The following SMYD3 variants were observed in gnomAD, a reference collection of about 807,000 sequenced individuals.
SMYD3 encodes histone-lysine N-methyltransferase SMYD3.
SMYD3 carries 36 observed loss-of-function variants against 57.7 expected under a neutral mutation model. The ratio of observed to expected loss-of-function variants is 0.62; its 90% CI spans 0.48 to 0.82. The LOEUF (loss-of-function observed/expected upper bound fraction) is 0.82. Among genes scored for constraint, SMYD3 ranks in the 40% least tolerant of loss-of-function variants. The pLI, the probability that SMYD3 is intolerant of heterozygous loss-of-function variation, is 0.00. For synonymous variants in SMYD3, 211 were observed against 195.0 expected (o/e 1.08, Z -0.68); for missense variants, 515 against 538.8 (o/e 0.96, Z 0.44).
chr1:246,474,340 A>C (rs537522232), intron 1 of SMYD3, among the ~76,000 whole-genome samples: 1 of 152,226 alleles, frequency 6.6e-6, no homozygotes, highest in Non-Finnish European at 1.5e-5. Context: ...TAACACGGTG[A>C]AATCCTGTCT....
chr1:246,160,768 A>G (rs11587887), intron 5 of SMYD3, among the ~76,000 whole-genome samples: 44,162 of 152,102 alleles, frequency 0.29, 8,523 homozygotes, highest in Non-Finnish European at 0.43. Flanking sequence ...GGGGGACAGC[A>G]GTGAGTGAGG....
intron 1 of SMYD3, among the ~76,000 whole-genome samples, chr1:246,363,587 T>A (rs1212186856): frequency 6.6e-6 from 1 of 152,236 alleles, no homozygotes; most frequent in Non-Finnish European, 1.5e-5. Context: ...GAAAAACTCT[T>A]CTGCCTTGGG....
chr1:245,897,314 T>C (rs2053884268), intron 8 of SMYD3, among the ~76,000 whole-genome samples: 1 of 152,192 alleles, frequency 6.6e-6, no homozygotes, highest in Non-Finnish European at 1.5e-5. Context: ...GAGGAGTAGG[T>C]CGTGGGCAGG....
At chr1:246,075,633 A>C (rs977214395) in intron 5 of SMYD3, among the ~76,000 whole-genome samples, 14 of 152,236 alleles carry the variant, frequency 9.2e-5, no homozygotes, top group African/African-American at 3.4e-4. Context: ...CTGCAGGACA[A>C]TGAGACTAGA....
Position 245,866,339 on chromosome 1 carries a change from T to C in SMYD3, c.814-2453A>G, listed in dbSNP as rs187057091. On this transcript the variant is annotated intron_variant, in intron 8 of 11. Coordinates refer to ENST00000490107, the MANE Select transcript of SMYD3 (RefSeq NM_001167740.2). ...TGTCTGTGTGATATAGTAGAGTGGA[T>C]TTTAAAAAGACACCATAGGTGCACT... 1.4e-3 allele frequency among the ~76,000 whole-genome samples: 204 copies of C among 150,692 alleles called. 4 individuals carry two copies. The East Asian group carries it at 0.038, about 28-fold the overall frequency.
chr1:246,101,660 A>C (rs143264943), intron 5 of SMYD3, among the ~76,000 whole-genome samples: 15 of 152,368 alleles, frequency 9.8e-5, no homozygotes, highest in African/African-American at 2.9e-4. Flanking sequence ...ATATGCGGTT[A>C]GGTTCTTGTT....
At chr1:246,207,036 G>A (rs1438606697) in intron 5 of SMYD3, among the ~76,000 whole-genome samples, 2 of 152,018 alleles carry the variant, frequency 1.3e-5, no homozygotes, top group African/African-American at 4.8e-5. Context: ...GCATTACCAG[G>A]GAACACAATT....
At chr1:245,798,501 CA>C (rs2047696393) in intron 10 of SMYD3, among the ~76,000 whole-genome samples, 1 of 138,180 alleles carries the variant, frequency 7.2e-6, no homozygotes, top group East Asian at 2.3e-4. Context: ...CACACACACA[CA>C]CACCTTGAGC....
intron 10 of SMYD3, among the ~76,000 whole-genome samples, chr1:245,785,990 C>G (rs539072911): frequency 4.0e-5 from 6 of 151,732 alleles, no homozygotes; most frequent in Non-Finnish European, 8.8e-5. Context: ...CAGGTGTGAG[C>G]CATGGTGCCC....
intron 5 of SMYD3, among the ~76,000 whole-genome samples, chr1:246,171,143 G>A (rs1013472435): frequency 4.6e-5 from 7 of 151,988 alleles, no homozygotes; most frequent in Admixed American, 6.6e-5. Context: ...GTGCTCCCAC[G>A]CATTGGGTGA....
chr1:245,775,510 G>A (rs2046544958), intron 10 of SMYD3, among the ~76,000 whole-genome samples: 3 of 150,550 alleles, frequency 2.0e-5, no homozygotes, highest in Non-Finnish European at 1.5e-5. Flanking sequence ...ATGCTTGAAG[G>A]CAGCAGGCTC....
At chr1:246,461,832 G>A (rs2067802317) in intron 1 of SMYD3, among the ~76,000 whole-genome samples, 1 of 151,960 alleles carries the variant, frequency 6.6e-6, no homozygotes, top group South Asian at 2.1e-4. Context: ...TTTTCACAGA[G>A]CCACACACTT....
At chr1:245,785,466 C>T (rs1341550109) in intron 10 of SMYD3, among the ~76,000 whole-genome samples, 1 of 152,138 alleles carries the variant, frequency 6.6e-6, no homozygotes, top group Non-Finnish European at 1.5e-5. Context: ...GTGCCTTTCA[C>T]ATGCTGCCCG....
At chr1:245,810,021 G>A (rs1166067674) in intron 10 of SMYD3, among the ~76,000 whole-genome samples, 1 of 152,122 alleles carries the variant, frequency 6.6e-6, no homozygotes, top group Non-Finnish European at 1.5e-5. Flanking sequence ...GGACAAACGA[G>A]GTAAGTAGTA....
At chr1:245,835,486 T>C (rs2050064307) in intron 10 of SMYD3, among the ~76,000 whole-genome samples, 1 of 152,260 alleles carries the variant, frequency 6.6e-6, no homozygotes, top group East Asian at 1.9e-4. Flanking sequence ...TAAAAATACA[T>C]ACTTGACAAG....
intron 10 of SMYD3, among the ~76,000 whole-genome samples, chr1:245,772,860 A>G (rs1254612089): frequency 6.6e-6 from 1 of 152,162 alleles, no homozygotes; most frequent in Non-Finnish European, 1.5e-5. Flanking sequence ...AATTAGAATG[A>G]AGGAGATACA....
At chr1:246,018,633 C>A (rs938979632) in intron 5 of SMYD3, among the ~76,000 whole-genome samples, 4 of 152,150 alleles carry the variant, frequency 2.6e-5, no homozygotes, top group Admixed American at 2.6e-4. Context: ...CAGATGGGGT[C>A]TTGCTCTGTC....
chr1:246,236,296 T>A (rs2063511368), intron 5 of SMYD3, among the ~76,000 whole-genome samples: 1 of 152,172 alleles, frequency 6.6e-6, no homozygotes, highest in South Asian at 2.1e-4. Context: ...CGTGGCGCAA[T>A]AATAGCTCAC....
At chr1:246,082,717 C>G (rs1376506014) in intron 5 of SMYD3, among the ~76,000 whole-genome samples, 6 of 152,142 alleles carry the variant, frequency 3.9e-5, no homozygotes, top group Non-Finnish European at 8.8e-5. Flanking sequence ...CAGACTGTTA[C>G]TGTGTCTATG....
Sources: allele counts gnomAD v4.1 joint callset (sites outside exome capture counted in the v4.1 genomes callset), GRCh38; gene constraint gnomAD v4.1.1; transcripts MANE v1.5; gene names NCBI Gene and HGNC (gene_info 2026-07-23, HGNC 2026-07-21).